The following HECW2 variants were observed in gnomAD, a reference collection of about 807,000 sequenced individuals.
The protein encoded by HECW2 is E3 ubiquitin-protein ligase HECW2.
HECW2 carries 61 observed loss-of-function variants against 175.2 expected under a neutral mutation model. The observed-to-expected ratio is 0.35, with a 90% CI of 0.28 to 0.43. The LOEUF is 0.43. HECW2 is among the 20% of genes least tolerant of loss of function. The pLI is 1.00. For synonymous variants in HECW2, 671 were observed against 731.0 expected, an observed-to-expected ratio of 0.92 and a Z score of 1.32; for missense variants, 1,524 against 2,000.5, an observed-to-expected ratio of 0.76 and a Z score of 4.54.
rs567615629 is a variant in HECW2, at chr2:196,476,879, G to A, written c.-35-43421C>T. ...TAATTCCAGCAGTTTAGGAGGCCAAGGCAGGAGGATCACTTGAGGCCAGGA... is the reference window on the plus strand; with the variant it reads ...TAATTCCAGCAGTTTAGGAGGCCAAAGCAGGAGGATCACTTGAGGCCAGGA... On this transcript the variant is annotated intron_variant, in intron 1 of 28. Transcript: ENST00000644978. Among the ~76,000 whole-genome samples, 18 of 127,328 alleles carry A rather than the reference G, an allele frequency of 1.4e-4. 1 individual carries two copies. In the South Asian group the frequency reaches 4.4e-3, roughly 31 times the overall value. 83.5% of individuals were successfully genotyped at this position (127,328 alleles called of 152,430 possible).
In HECW2 at chr2:196,395,146, T is replaced by C. The variant is rs953757823; in HGVS notation, c.292+37986A>G. On this transcript the variant is annotated intron_variant, in intron 2 of 28. Transcript: ENST00000644978. ...CTTGGGGGTATCAATACATGAATTT[T>C]GGGAAGAAACAAAGATTCAGACCAT... 5.3e-5 allele frequency among the ~76,000 whole-genome samples: 8 copies of C among 152,152 alleles called. No individual in the cohort carries two copies. The East Asian group carries it at 1.2e-3, about 22-fold the overall frequency.
At chr2:196,446,522 C>T (rs1403130226) in intron 1 of HECW2, among the ~76,000 whole-genome samples, 2 of 152,182 alleles carry the variant, frequency 1.3e-5, no homozygotes, top group African/African-American at 4.8e-5. Flanking sequence ...ACATGGTTTT[C>T]TTGGTAGAGC....
At chr2:196,431,573 G>A (rs560025035) in intron 2 of HECW2, among the ~76,000 whole-genome samples, 164 of 152,250 alleles carry the variant, frequency 1.1e-3, no homozygotes, top group African/African-American at 3.7e-3. Context: ...GGTAAAAAAT[G>A]AGAAAGTCTA....
At chr2:196,323,163 C>G (rs1458768114) in intron 6 of HECW2, among the ~76,000 whole-genome samples, 3 of 152,062 alleles carry the variant, frequency 2.0e-5, no homozygotes, top group Non-Finnish European at 4.4e-5. Flanking sequence ...GGAATTTTTC[C>G]TTAAGTTTAA....
At position 196,257,814 on chromosome 2, in the gene HECW2, C is replaced by G; in HGVS notation, c.3419+9G>C. On this transcript the variant is annotated intron_variant, in intron 18 of 28. Coordinates refer to ENST00000644978, the MANE Select transcript of HECW2 (RefSeq NM_001348768.2). ...CCTTCTGCTTCAAGAGTGAGTGTTACGTATGTACCTCAGCAACATAACAAG... is the reference window on the plus strand; with the variant it reads ...CCTTCTGCTTCAAGAGTGAGTGTTAGGTATGTACCTCAGCAACATAACAAG... 6.3e-7 allele frequency: 1 copy of G among 1,597,242 alleles called. No individual in the cohort carries two copies. The highest frequency in any genetic ancestry group is 8.6e-7 in the Non-Finnish European group (1 of 1,164,938).
intron 28 of HECW2, among the ~76,000 whole-genome samples, chr2:196,209,281 C>A (rs1553630827): frequency 6.6e-6 from 1 of 152,168 alleles, no homozygotes; most frequent in Non-Finnish European, 1.5e-5. Context: ...GTCACAAATT[C>A]TTTCAATAGC....
At chr2:196,457,310 CA>C (rs1696551758) in intron 1 of HECW2, among the ~76,000 whole-genome samples, 1 of 152,198 alleles carries the variant, frequency 6.6e-6, no homozygotes, top group Non-Finnish European at 1.5e-5. Flanking sequence ...TTGAATAATA[CA>C]AACTGACTTT....
chr2:196,496,182 A>G (rs1687385120), intron 1 of HECW2, among the ~76,000 whole-genome samples: 1 of 151,926 alleles, frequency 6.6e-6, no homozygotes, highest in South Asian at 2.1e-4. Flanking sequence ...TACAGCTTAC[A>G]TATATTTTTT....
intron 1 of HECW2, chr2:196,592,630 T>C (rs570759339): frequency 6.6e-6 from 1 of 152,416 alleles, no homozygotes; most frequent in South Asian, 2.1e-4. Context: ...AAGTCCCAGT[T>C]TCCCTGGAGA....
chr2:196,480,219 G>A lies in HECW2; in HGVS notation c.-35-46761C>T, dbSNP rs150879540. Among the ~76,000 whole-genome samples the A allele has an allele frequency of 2.7e-3, 404 of 152,274 alleles. 3 individuals carry two copies. Among genetic ancestry groups the A allele is most frequent in the African/African-American group, 9.1e-3 (380 of 41,546 alleles). On this transcript the variant is annotated intron_variant, in intron 1 of 28. Transcript: ENST00000644978. ...CATCAGTTTGGGGGGTCCCTCTCGT[G>A]TAGCTTTGCCAACTTCTTTAATATA...
At chr2:196,328,144 A>C (rs1327830326) in intron 5 of HECW2, among the ~76,000 whole-genome samples, 5 of 152,142 alleles carry the variant, frequency 3.3e-5, no homozygotes, top group Admixed American at 1.3e-4. Flanking sequence ...CTGAGCTATC[A>C]GGGTCGACAA....
intron 10 of HECW2, among the ~76,000 whole-genome samples, chr2:196,310,716 A>T (rs1013993977): frequency 1.3e-5 from 2 of 151,656 alleles, no homozygotes; most frequent in East Asian, 3.9e-4. Context: ...GTCTTGCCAC[A>T]TTGTCAAATA....
intron 13 of HECW2, among the ~76,000 whole-genome samples, chr2:196,295,461 G>T (rs2105654641): frequency 6.6e-6 from 1 of 152,310 alleles, no homozygotes; most frequent in South Asian, 2.1e-4. Flanking sequence ...ACACTAGTTT[G>T]TGTAGGGATC....
intron 2 of HECW2, among the ~76,000 whole-genome samples, chr2:196,380,007 C>G (rs369799813): frequency 6.6e-6 from 1 of 151,350 alleles, no homozygotes; most frequent in Non-Finnish European, 1.5e-5. Context: ...TTTTGAGAAA[C>G]AGTGAAATTT....
At chr2:196,224,064 G>A (rs911514999) in intron 23 of HECW2, among the ~76,000 whole-genome samples, 44 of 152,292 alleles carry the variant, frequency 2.9e-4, no homozygotes, top group African/African-American at 1.1e-3. Context: ...AGTACCACAG[G>A]TGATTTGTGA....
At chr2:196,311,600 C>A (rs1691500102) in intron 10 of HECW2, among the ~76,000 whole-genome samples, 1 of 152,118 alleles carries the variant, frequency 6.6e-6, no homozygotes, top group Admixed American at 6.5e-5. Flanking sequence ...AGTTTGAGAC[C>A]AGCCTGGCCA....
intron 1 of HECW2, among the ~76,000 whole-genome samples, chr2:196,441,946 C>A (rs1485730764): frequency 1.3e-5 from 2 of 151,756 alleles, no homozygotes; most frequent in Non-Finnish European, 2.9e-5. Flanking sequence ...GTGTTTTCCC[C>A]AAAATTTTAC....
At chr2:196,570,181 CCTGTTTT>C (rs1690333827) in intron 1 of HECW2, among the ~76,000 whole-genome samples, 1 of 152,120 alleles carries the variant, frequency 6.6e-6, no homozygotes, top group Non-Finnish European at 1.5e-5. Flanking sequence ...GTTGTAAGGT[CCTGTTTT>C]CTTAACTATA....
chr2:196,429,888 G>C (rs1051202296), intron 2 of HECW2, among the ~76,000 whole-genome samples: 14 of 152,286 alleles, frequency 9.2e-5, no homozygotes, highest in Admixed American at 8.5e-4. Context: ...TCTTGGCCAA[G>C]GTCTGGGGTG....
Sources: gnomAD v4.1 joint callset for allele counts (sites outside exome capture counted in the v4.1 genomes callset) on GRCh38, gnomAD v4.1.1 for gene constraint, MANE v1.5 for transcripts, NCBI Gene and HGNC (gene_info 2026-07-23, HGNC 2026-07-21) for gene names.